The following DIAPH2 variants were observed in gnomAD, a reference collection of about 807,000 sequenced individuals.
DIAPH2 encodes diaphanous related formin 2, also known as protein diaphanous homolog 2.
A neutral mutation model predicts 92.7 loss-of-function variants in DIAPH2; 35 were observed. The observed-to-expected ratio is 0.38, with a 90% CI of 0.29 to 0.50. The LOEUF is 0.50. Among genes scored for constraint, DIAPH2 ranks in the 20% least tolerant of loss-of-function variants. The pLI is 0.94. For synonymous variants in DIAPH2, 301 were observed against 280.4 expected, an observed-to-expected ratio of 1.07 and a Z score of -0.73; for missense variants, 701 against 819.5, an observed-to-expected ratio of 0.86 and a Z score of 1.77.
chrX:97,410,037 G>A (rs1362199675), intron 25 of DIAPH2, among the ~76,000 whole-genome samples: 1 of 112,210 alleles, frequency 8.9e-6, no homozygotes, highest in Admixed American at 9.4e-5. Context: ...CCAGCACAGT[G>A]TTTGAGCTCT....
At chrX:97,527,076 T>TC (rs1392200517) in intron 26 of DIAPH2, among the ~76,000 whole-genome samples, 1 of 111,876 alleles carries the variant, frequency 8.9e-6, no homozygotes, top group African/African-American at 3.2e-5. Context: ...AGCATGTTGA[T>TC]CAGGCCCACT....
intron 22 of DIAPH2, among the ~76,000 whole-genome samples, chrX:97,247,115 G>T (rs1025527302): frequency 1.8e-5 from 2 of 111,728 alleles, no homozygotes; most frequent in African/African-American, 6.5e-5. Context: ...ACTAATGATA[G>T]TGTTTGAGGG....
At chrX:97,115,526 ACT>A (rs1265241166) in intron 21 of DIAPH2, among the ~76,000 whole-genome samples, 1 of 111,072 alleles carries the variant, frequency 9.0e-6, no homozygotes, top group Non-Finnish European at 1.9e-5. Context: ...ACAGAGCAAG[ACT>A]CTGTCTCAAA....
chrX:97,232,296 G>A (rs922064176), intron 22 of DIAPH2, among the ~76,000 whole-genome samples: 15 of 111,583 alleles, frequency 1.3e-4, no homozygotes, highest in African/African-American at 3.6e-4. Flanking sequence ...GTGTAGTGGC[G>A]TGATCTCAGC....
In DIAPH2 at chrX:97,604,663, T is replaced by A. The variant is rs772894534; in HGVS notation, c.*5346T>A. 1 of 112,418 alleles carries A rather than the reference T, an allele frequency of 8.9e-6. No homozygotes were observed. The highest frequency in any genetic ancestry group is 3.8e-4 in the South Asian group (1 of 2,663). The allele number at this position is 112,418 out of a possible 1,213,427, so 9.3% of individuals were successfully genotyped here. On this transcript the variant is annotated 3_prime_UTR_variant, in exon 27 of 27. Transcript: ENST00000324765. Reference sequence around the variant, plus strand: ...CTCTGATGTACCTCTTCTGCCCCTTTTATGACACCTTTGACCAAATGCCTT... The same window carrying A: ...CTCTGATGTACCTCTTCTGCCCCTTATATGACACCTTTGACCAAATGCCTT...
intron 21 of DIAPH2, among the ~76,000 whole-genome samples, chrX:97,124,982 A>G (rs1306951350): frequency 9.0e-6 from 1 of 111,510 alleles, no homozygotes; most frequent in Non-Finnish European, 1.9e-5. Context: ...GAAGCCAAAA[A>G]GGGTGTGTGT....
At chrX:97,423,310 C>G (rs1469969907) in intron 25 of DIAPH2, among the ~76,000 whole-genome samples, 1 of 111,718 alleles carries the variant, frequency 9.0e-6, no homozygotes, top group Non-Finnish European at 1.9e-5. Context: ...CCATCAGTGC[C>G]TCTGTTCACA....
At chrX:97,122,812 C>A (rs1963817831) in intron 21 of DIAPH2, among the ~76,000 whole-genome samples, 1 of 111,233 alleles carries the variant, frequency 9.0e-6, no homozygotes, top group African/African-American at 3.3e-5. Flanking sequence ...TTTAAACTTT[C>A]CTTTCTGTGG....
intron 16 of DIAPH2, among the ~76,000 whole-genome samples, chrX:96,964,683 G>C (rs1304756148): frequency 9.0e-6 from 1 of 111,403 alleles, no homozygotes; most frequent in Non-Finnish European, 1.9e-5. Context: ...CAACGTAGGA[G>C]GCGTGTGTCA....
Position 97,350,533 on chromosome X carries a change from C to T in DIAPH2, c.3009+2253C>T, listed in dbSNP as rs1017231666. On this transcript the variant is annotated intron_variant, in intron 24 of 26. Transcript: ENST00000324765. ...AGCCATATGCCTAGAAGGCTAAGAA[C>T]TCTACTTGTATCACTTTTCAATCAT... is the stretch of plus-strand genomic sequence containing the variant. 3.6e-5 allele frequency among the ~76,000 whole-genome samples: 4 copies of T among 111,237 alleles called. No individual in the cohort carries two copies. In the East Asian group the frequency reaches 8.4e-4, roughly 23 times the overall value.
chrX:96,869,097 C>T (rs764613833), intron 4 of DIAPH2, among the ~76,000 whole-genome samples: 1 of 111,279 alleles, frequency 9.0e-6, no homozygotes, highest in South Asian at 3.8e-4. Flanking sequence ...CATAAAAAAT[C>T]ATATGTGGGA....
intron 10 of DIAPH2, among the ~76,000 whole-genome samples, chrX:96,936,427 C>T (rs1006168080): frequency 8.9e-5 from 10 of 111,803 alleles, no homozygotes; most frequent in African/African-American, 3.2e-4. Context: ...CACCCTTGAG[C>T]ATCCACAGTT....
chrX:97,106,501 T>C (rs1267150520), intron 20 of DIAPH2, among the ~76,000 whole-genome samples: 1 of 112,095 alleles, frequency 8.9e-6, no homozygotes, highest in South Asian at 3.7e-4. Flanking sequence ...CACCTGAAAA[T>C]TGAATATTCA....
At chrX:96,996,423 A>C (rs768222360) in intron 17 of DIAPH2, among the ~76,000 whole-genome samples, 78 of 111,941 alleles carry the variant, frequency 7.0e-4, no homozygotes, top group African/African-American at 2.5e-3. Context: ...TTTGAAAAAT[A>C]CTTAATGATT....
intron 26 of DIAPH2, among the ~76,000 whole-genome samples, chrX:97,494,805 G>A (rs146330676): frequency 0.072 from 8,034 of 112,144 alleles, 288 homozygotes; most frequent in Non-Finnish European, 0.11. Context: ...AATCCAGCCC[G>A]ACCCTGGTGG....
At chrX:97,589,751 A>G (rs371092508) in intron 26 of DIAPH2, among the ~76,000 whole-genome samples, 1 of 112,449 alleles carries the variant, frequency 8.9e-6, no homozygotes, top group East Asian at 2.8e-4. Flanking sequence ...CTTATATGAG[A>G]AGCAAGTTGC....
intron 5 of DIAPH2, among the ~76,000 whole-genome samples, chrX:96,904,247 T>C (rs1404548934): frequency 5.4e-5 from 6 of 111,991 alleles, no homozygotes; most frequent in Non-Finnish European, 9.4e-5. Flanking sequence ...TTTCTATGAG[T>C]CACATGAAAT....
At chrX:97,530,769 G>A (rs1444639722) in intron 26 of DIAPH2, among the ~76,000 whole-genome samples, 1 of 111,596 alleles carries the variant, frequency 9.0e-6, no homozygotes, top group African/African-American at 3.3e-5. Flanking sequence ...GAAAATAGAT[G>A]ACAGTATTGA....
intron 1 of DIAPH2, among the ~76,000 whole-genome samples, chrX:96,707,422 C>T (rs1034758233): frequency 9.1e-6 from 1 of 109,788 alleles, no homozygotes; most frequent in African/African-American, 3.3e-5. Context: ...CTACCTGCCT[C>T]GGCCTCCCAA....
Sources: allele counts gnomAD v4.1 joint callset (sites outside exome capture counted in the v4.1 genomes callset), GRCh38; gene constraint gnomAD v4.1.1; transcripts MANE v1.5; gene names NCBI Gene and HGNC (gene_info 2026-07-23, HGNC 2026-07-21).